Variants in IMMP2L observed in about 807,000 individuals in gnomAD.
The protein encoded by IMMP2L is mitochondrial inner membrane protease subunit 2.
In IMMP2L, 18 loss-of-function variants were observed where a neutral mutation model predicts 19.3. The ratio of observed to expected loss-of-function variants is 0.93; its 90% confidence interval spans 0.64 to 1.38. The LOEUF (loss-of-function observed/expected upper bound fraction) is 1.38, where lower values mean the gene tolerates loss of function less well. IMMP2L is among the 40% of genes most tolerant of loss of function. IMMP2L has a pLI of 0.00. For synonymous variants in IMMP2L, 76 were observed against 73.0 expected (o/e 1.04, Z -0.21); for missense variants, 233 against 218.2 (o/e 1.07, Z -0.43).
intron 3 of IMMP2L, among the ~76,000 whole-genome samples, chr7:111,481,993 C>T (rs1014370846): frequency 6.6e-6 from 1 of 152,102 alleles, no homozygotes. Context: ...GGAGTTCATG[C>T]CCAGCATGGG....
intron 2 of IMMP2L, among the ~76,000 whole-genome samples, chr7:111,489,533 T>C (rs1384747149): frequency 6.6e-6 from 1 of 151,872 alleles, no homozygotes; most frequent in South Asian, 2.1e-4. Flanking sequence ...GCAAGGAAAA[T>C]AGTGAACGCA....
intron 3 of IMMP2L, among the ~76,000 whole-genome samples, chr7:111,341,989 G>C (rs2130795295): frequency 6.6e-6 from 1 of 152,194 alleles, no homozygotes; most frequent in Middle Eastern, 3.4e-3. Flanking sequence ...CCAGACTCTA[G>C]AACCATGAGC....
intron 4 of IMMP2L, among the ~76,000 whole-genome samples, chr7:110,961,437 T>G (rs1346311442): frequency 6.6e-6 from 1 of 151,684 alleles, no homozygotes; most frequent in South Asian, 2.1e-4. Flanking sequence ...TCTGTGTTTT[T>G]TTTTTTTTTC....
intron 3 of IMMP2L, among the ~76,000 whole-genome samples, chr7:111,378,734 A>G (rs1248487052): frequency 6.6e-6 from 1 of 151,920 alleles, no homozygotes; most frequent in Non-Finnish European, 1.5e-5. Context: ...CAACAAATCC[A>G]TTGTCTGAAT....
intron 3 of IMMP2L, among the ~76,000 whole-genome samples, chr7:111,364,733 C>A (rs746854429): frequency 1.3e-5 from 2 of 151,540 alleles, no homozygotes; most frequent in African/African-American, 4.8e-5. Context: ...CACTTTGGGA[C>A]GCCAAGGCAG....
chr7:111,127,029 G>A (rs1195162013), intron 3 of IMMP2L, among the ~76,000 whole-genome samples: 2 of 152,148 alleles, frequency 1.3e-5, no homozygotes, highest in Admixed American at 1.3e-4. Flanking sequence ...CAATGTGGAA[G>A]GCAATTGTTA....
At chr7:110,807,578 A>G (rs919834130) in intron 5 of IMMP2L, among the ~76,000 whole-genome samples, 1 of 152,090 alleles carries the variant, frequency 6.6e-6, no homozygotes, top group Non-Finnish European at 1.5e-5. Flanking sequence ...TATGAAAGCA[A>G]CTGATATTCC....
chr7:110,763,745 C>G (rs937713938), intron 5 of IMMP2L, among the ~76,000 whole-genome samples: 3 of 152,204 alleles, frequency 2.0e-5, no homozygotes, highest in Admixed American at 6.5e-5. Context: ...CAAATAAGGG[C>G]CATTTTAAAC....
intron 4 of IMMP2L, among the ~76,000 whole-genome samples, chr7:110,954,643 A>C (rs1224331487): frequency 1.3e-5 from 2 of 152,098 alleles, no homozygotes; most frequent in Non-Finnish European, 2.9e-5. Context: ...TTTAATTTAC[A>C]GAGTTAAGTA....
chr7:111,310,737 A>G (rs1042144874), intron 3 of IMMP2L, among the ~76,000 whole-genome samples: 3 of 152,152 alleles, frequency 2.0e-5, no homozygotes, highest in African/African-American at 7.2e-5. Flanking sequence ...AGATGAATGT[A>G]ATGAGCTTCT....
chr7:111,310,450 T>C (rs977756229), intron 3 of IMMP2L, among the ~76,000 whole-genome samples: 1 of 152,016 alleles, frequency 6.6e-6, no homozygotes, highest in Non-Finnish European at 1.5e-5. Flanking sequence ...TAAAGTTTTG[T>C]TTCTGTTGGT....
chr7:111,258,490 A>C (rs771753733), intron 3 of IMMP2L, among the ~76,000 whole-genome samples: 1 of 152,088 alleles, frequency 6.6e-6, no homozygotes, highest in Non-Finnish European at 1.5e-5. Flanking sequence ...TTTATGAAGA[A>C]AAGCATTTTT....
chr7:110,905,695 G>T (rs1222654105), intron 4 of IMMP2L, among the ~76,000 whole-genome samples: 1 of 152,126 alleles, frequency 6.6e-6, no homozygotes, highest in Non-Finnish European at 1.5e-5. Context: ...CTGTACTTTG[G>T]CTGGACTGTA....
Position 110,727,723 on chromosome 7 carries a change from G to A in IMMP2L, c.409-64002C>T, listed in dbSNP as rs1364461624. ...ATATTTAAATTATTAAATTGAATCCGTATTCTTACCTCCGAAGCTACTGTA... is the reference window on the plus strand; with the variant it reads ...ATATTTAAATTATTAAATTGAATCCATATTCTTACCTCCGAAGCTACTGTA... On this transcript the variant is annotated intron_variant, in intron 5 of 5. Transcript: ENST00000405709. This position sits in a 1 kb window ranked among gnomAD's most constrained non-coding sequence, Gnocchi z 4.3. Among the ~76,000 whole-genome samples, 6 of 152,110 alleles carry A rather than the reference G, an allele frequency of 3.9e-5. No individual in the cohort carries two copies. Among genetic ancestry groups the A allele is most frequent in the East Asian group, 1.9e-4 (1 of 5,178 alleles).
chr7:111,205,324 A>T (rs1215684027), intron 3 of IMMP2L, among the ~76,000 whole-genome samples: 2 of 152,190 alleles, frequency 1.3e-5, no homozygotes, highest in African/African-American at 2.4e-5. Context: ...TCTGGGGGAC[A>T]TATTCAGCCC....
chr7:111,531,202 G>A (rs529825830), intron 1 of IMMP2L, among the ~76,000 whole-genome samples: 2 of 151,882 alleles, frequency 1.3e-5, no homozygotes, highest in Admixed American at 6.5e-5. Context: ...TGATCCGCCC[G>A]CCTCGGCCTC....
chr7:110,976,495 T>C (rs1363509059), intron 3 of IMMP2L, among the ~76,000 whole-genome samples: 1 of 152,074 alleles, frequency 6.6e-6, no homozygotes, highest in Non-Finnish European at 1.5e-5. Flanking sequence ...TGATTTATCA[T>C]TCCAGTATGA....
At chr7:111,204,506 A>C (rs1810490182) in intron 3 of IMMP2L, among the ~76,000 whole-genome samples, 1 of 152,202 alleles carries the variant, frequency 6.6e-6, no homozygotes, top group East Asian at 1.9e-4. Context: ...GTGTATTAGC[A>C]CATAAGCATA....
chr7:111,255,629 G>A (rs1328227645), intron 3 of IMMP2L, among the ~76,000 whole-genome samples: 1 of 151,960 alleles, frequency 6.6e-6, no homozygotes, highest in African/African-American at 2.4e-5. Flanking sequence ...TATGTCACAA[G>A]TTTACAGAAG....
Sources: allele counts gnomAD v4.1 joint callset (sites outside exome capture counted in the v4.1 genomes callset), GRCh38; gene constraint gnomAD v4.1.1; non-coding constraint Gnocchi (gnomAD v3.1); transcripts MANE v1.5; gene names NCBI Gene and HGNC (gene_info 2026-07-23, HGNC 2026-07-21).